The following CDKN2B variants were observed in gnomAD, a reference collection of about 807,000 sequenced individuals.
CDKN2B encodes cyclin-dependent kinase 4 inhibitor B.
A neutral mutation model predicts 7.7 loss-of-function variants in CDKN2B; 8 were observed. That is an observed-to-expected ratio of 1.04 (90% CI 0.61 to 1.87). CDKN2B has a LOEUF of 1.87. Among genes scored for constraint, CDKN2B ranks in the 40% most tolerant of loss-of-function variants. The pLI, the probability that CDKN2B is intolerant of heterozygous loss-of-function variation, is 0.00. For missense variants in CDKN2B, 244 were observed against 213.1 expected (o/e 1.15, Z -0.90); for synonymous variants, 93 against 95.8 (o/e 0.97, Z 0.17).
At chr9:22,008,766 C>G (rs963558892) in intron 1 of CDKN2B, 32 bp downstream of exon 1, 1 of 1,609,648 alleles carries the variant, frequency 6.2e-7, no homozygotes, top group African/African-American at 1.3e-5. Context: ...TTCGCGCGCC[C>G]CCTGCCGGCG....
chr9:22,006,194 C>T lies in CDKN2B; in HGVS notation c.210G>A (p.Ala70=), dbSNP rs1821177378. 5.0e-6 allele frequency: 8 copies of T among 1,608,920 alleles called. No individual in the cohort carries two copies. Among genetic ancestry groups the T allele is most frequent in the Non-Finnish European group, 6.8e-6 (8 of 1,179,766 alleles). Residue 70 remains alanine, a synonymous_variant, in exon 2 of 2, where the codon GCG becomes GCA. Coordinates refer to ENST00000276925, the MANE Select transcript of CDKN2B (RefSeq NM_004936.4). The surrounding 1 kb of genome is among the most constrained non-coding windows in gnomAD (Gnocchi z 6.4). ...RVAELLLLHG[A]EPNCADPATL... ...TGGCAGGGTCTGCGCAGTTGGGCTC[C>T]GCGCCGTGGAGCAGCAGCAGCTCCG...
At chr9:22,007,209 A>C (rs1373006937) in intron 1 of CDKN2B, among the ~76,000 whole-genome samples, 1 of 152,096 alleles carries the variant, frequency 6.6e-6, no homozygotes, top group Non-Finnish European at 1.5e-5. Flanking sequence ...CAAAAAATAA[A>C]AAATTAGCTG....
At chr9:22,008,555 T>C (rs754444383) in intron 1 of CDKN2B, 1 of 1,037,548 alleles carries the variant, frequency 9.6e-7, no homozygotes, top group Non-Finnish European at 1.4e-6. Context: ...ATTCCTTGCA[T>C]CTCTGATCAT....
intron 1 of CDKN2B, among the ~76,000 whole-genome samples, chr9:22,008,475 A>G (rs1821303851): frequency 6.6e-6 from 1 of 152,194 alleles, no homozygotes; most frequent in African/African-American, 2.4e-5. Context: ...TATCGTTGAA[A>G]GCAGACAGAC....
In CDKN2B at chr9:22,008,823, T is replaced by A; in HGVS notation, c.131A>T (p.Asn44Ile). The change falls in exon 1 of 2, where the codon AAC becomes ATC. Residue 44 changes from asparagine to isoleucine, a missense_variant. By Grantham distance (149) the Asn-to-Ile change is moderately radical (BLOSUM62 -3). Coordinates refer to ENST00000276925, the MANE Select transcript of CDKN2B (RefSeq NM_004936.4). ...CTGGATCGCGCGCCTCCCGAAACGG[T>A]TGACTCCGTTGGGATCCGCGCCGGC... ...LEAGADPNGVNRFGRRAIQVM... is the reference protein window; with the variant it reads ...LEAGADPNGVIRFGRRAIQVM... 6.2e-7 allele frequency: 1 copy of A among 1,607,346 alleles called. No homozygotes were observed. Among genetic ancestry groups the A allele is most frequent in the Non-Finnish European group, 8.5e-7 (1 of 1,177,022 alleles).
Position 22,003,974 on chromosome 9 carries a change from C to A in CDKN2B, c.*2013G>T, listed in dbSNP as rs981466941. 9 of 232,608 alleles carry A rather than the reference C, an allele frequency of 3.9e-5. No homozygotes were observed. The highest frequency in any genetic ancestry group is 1.7e-4 in the Admixed American group (3 of 17,770). 14.4% of individuals were successfully genotyped at this position (232,608 alleles called of 1,614,324 possible). A position where few individuals can be genotyped will look rare whatever the true frequency, so the allele number is the denominator to read the frequency against. On this transcript the variant is annotated 3_prime_UTR_variant, in exon 2 of 2. Coordinates refer to ENST00000276925, the MANE Select transcript of CDKN2B (RefSeq NM_004936.4). ...AGAAAAGCAAGACAACCATAATCAG[C>A]TGTGGAACTAGATGCACTTCTTTGT...
chr9:22,006,739 C>CT lies in CDKN2B; in HGVS notation c.157-493dup, dbSNP rs1821208723. On this transcript the variant is annotated intron_variant, in intron 1 of 1. Coordinates refer to ENST00000276925, the MANE Select transcript of CDKN2B (RefSeq NM_004936.4). The surrounding 1 kb of genome is among the most constrained non-coding windows in gnomAD (Gnocchi z 6.4). The stretch of plus-strand genomic sequence containing the variant: ...ATGGTTTAGGGGAGAAAATAAACAA[C>CT]TAAGTTTTTTTCTTTCTTTTTTTTT... Among the ~76,000 whole-genome samples the CT allele has an allele frequency of 2.0e-5, 3 of 151,926 alleles. No homozygotes were observed. Among genetic ancestry groups the CT allele is most frequent in the Non-Finnish European group, 4.4e-5 (3 of 67,990 alleles).
intron 1 of CDKN2B, among the ~76,000 whole-genome samples, chr9:22,007,795 ATAAT>A (rs1418190413): frequency 6.6e-6 from 1 of 152,180 alleles, no homozygotes; most frequent in African/African-American, 2.4e-5. Flanking sequence ...ACTTGTTTTT[ATAAT>A]TATTAATAAA....
At chr9:22,008,665 G>A in intron 1 of CDKN2B, 133 bp downstream of exon 1, 3 of 1,606,098 alleles carry the variant, frequency 1.9e-6, no homozygotes, top group Admixed American at 3.3e-5. Context: ...TTTACGCGTG[G>A]AATGCACACC....
chr9:22,002,948 A>T lies in CDKN2B; in HGVS notation c.*3039T>A, dbSNP rs895026570. 3 of 193,448 alleles carry T rather than the reference A, an allele frequency of 1.6e-5. No individual in the cohort carries two copies. The highest frequency in any genetic ancestry group is 7.0e-5 in the African/African-American group (3 of 43,146). The allele number at this position is 193,448 out of a possible 1,614,324, so 12.0% of individuals were successfully genotyped here. A position where few individuals can be genotyped will look rare whatever the true frequency, so the allele number is the denominator to read the frequency against. On this transcript the variant is annotated 3_prime_UTR_variant, in exon 2 of 2. Transcript: ENST00000276925. Reference sequence around the variant, plus strand: ...TATTTAACTTTCCAGATCTTCTTGGAATAAATGTCAGGTAGTAGAATTTGT... The same window carrying T: ...TATTTAACTTTCCAGATCTTCTTGGTATAAATGTCAGGTAGTAGAATTTGT...
chr9:22,005,798 T>A lies in CDKN2B; in HGVS notation c.*189A>T. 1 of 718,208 alleles carries A rather than the reference T, an allele frequency of 1.4e-6. No homozygotes were observed. The highest frequency in any genetic ancestry group is 1.7e-5 in the South Asian group (1 of 57,274). The allele number at this position is 718,208 out of a possible 1,614,324, so 44.5% of individuals were successfully genotyped here. A position where few individuals can be genotyped will look rare whatever the true frequency, so the allele number is the denominator to read the frequency against. On this transcript the variant is annotated 3_prime_UTR_variant, in exon 2 of 2. Coordinates refer to ENST00000276925, the MANE Select transcript of CDKN2B (RefSeq NM_004936.4). This position sits in a 1 kb window ranked among gnomAD's most constrained non-coding sequence, Gnocchi z 4.9. ...TTCATGGTGAGTGTCGAGGGCCAGA[T>A]AAGACAAAGAAAAAAATGTATGGAA...
rs117271659 is a variant in CDKN2B at position 22,006,525 on chromosome 9, T to C, written c.157-278A>G. 6.2e-4 allele frequency among the ~76,000 whole-genome samples: 94 copies of C among 152,358 alleles called. 3 individuals are homozygous for C. The East Asian group carries it at 0.018, about 29-fold the overall frequency. ...GTTGATGGTAAAGTGATGATCATCA[T>C]TATGGAAAAACAAATCTTGATTTCC... On this transcript the variant is annotated intron_variant, in intron 1 of 1. Transcript: ENST00000276925. This position sits in a 1 kb window ranked among gnomAD's most constrained non-coding sequence, Gnocchi z 6.4.
Position 22,003,150 on chromosome 9 carries a change from A to C in CDKN2B, c.*2837T>G, listed in dbSNP as rs1188341394. 4.6e-6 allele frequency: 1 copy of C among 217,380 alleles called. No homozygotes were observed. The highest frequency in any genetic ancestry group is 9.2e-6 in the Non-Finnish European group (1 of 108,340). 13.5% of individuals were successfully genotyped at this position (217,380 alleles called of 1,614,324 possible). A position where few individuals can be genotyped will look rare whatever the true frequency, so the allele number is the denominator to read the frequency against. On this transcript the variant is annotated 3_prime_UTR_variant, in exon 2 of 2. Transcript: ENST00000276925. ...ACAGTATATATTAGGCTGCTGATGA[A>C]ACAGCTAAACCTGTCTGCCAGGTGG... is the stretch of plus-strand genomic sequence containing the variant.
chr9:22,006,386 G>A lies in CDKN2B; in HGVS notation c.157-139C>T. ...CCAGTGCAGAGGTGTTCAGGTCTCTGATGTCTGGTGTTTCTTCATTTGCTG... is the reference window on the plus strand; with the variant it reads ...CCAGTGCAGAGGTGTTCAGGTCTCTAATGTCTGGTGTTTCTTCATTTGCTG... On this transcript the variant is annotated intron_variant, in intron 1 of 1. Coordinates refer to ENST00000276925, the MANE Select transcript of CDKN2B (RefSeq NM_004936.4). The surrounding 1 kb of genome is among the most constrained non-coding windows in gnomAD (Gnocchi z 6.4). 8.6e-7 allele frequency: 1 copy of A among 1,162,500 alleles called. No homozygotes were observed. Among genetic ancestry groups the A allele is most frequent in the Non-Finnish European group, 1.2e-6 (1 of 813,416 alleles). The allele number at this position is 1,162,500 out of a possible 1,614,324, so 72.0% of individuals were successfully genotyped here. A position where few individuals can be genotyped will look rare whatever the true frequency, so the allele number is the denominator to read the frequency against.
rs1820997688 is a variant in CDKN2B at position 22,003,201 on chromosome 9, A to C, written c.*2786T>G. The stretch of plus-strand genomic sequence containing the variant: ...CTTCGAAAATGGAATTAATTTTTAC[A>C]TGGCATTGATAAGTTACTATTTCAA... On this transcript the variant is annotated 3_prime_UTR_variant, in exon 2 of 2. Coordinates refer to ENST00000276925, the MANE Select transcript of CDKN2B (RefSeq NM_004936.4). The C allele has an allele frequency of 4.6e-6, 1 of 216,596 alleles. No individual in the cohort carries two copies. Among genetic ancestry groups the C allele is most frequent in the Non-Finnish European group, 9.3e-6 (1 of 107,812 alleles). The allele number at this position is 216,596 out of a possible 1,614,324, so 13.4% of individuals were successfully genotyped here. A position where few individuals can be genotyped will look rare whatever the true frequency, so the allele number is the denominator to read the frequency against.
intron 1 of CDKN2B, 157 bp downstream of exon 1, chr9:22,008,640 TG>T: frequency 6.3e-7 from 1 of 1,591,230 alleles, no homozygotes. Context: ...GGATTTTTGC[TG>T]GGTAAAAGCC....
Position 22,006,263 on chromosome 9 carries a change from G to A in CDKN2B, c.157-16C>T. 1 of 1,602,054 alleles carries A rather than the reference G, an allele frequency of 6.2e-7. No homozygotes were observed. The highest frequency in any genetic ancestry group is 8.5e-7 in the Non-Finnish European group (1 of 1,179,862). On this transcript the variant is annotated splice_polypyrimidine_tract_variant and intron_variant, in intron 1 of 1. Coordinates refer to ENST00000276925, the MANE Select transcript of CDKN2B (RefSeq NM_004936.4). This position sits in a 1 kb window ranked among gnomAD's most constrained non-coding sequence, Gnocchi z 6.4. ...TCATCATGACCTGCCAGAGAGAGCA[G>A]AGTGGTCAGAGCCAGGGTGGGGGCA...
chr9:22,004,920 T>C lies in CDKN2B; in HGVS notation c.*1067A>G, dbSNP rs1409182401. ...GTTAAGAAGAAAGCAATCTAGGCGT[T>C]TGCACTGAGTTTGCAACAGTGCCAT... On this transcript the variant is annotated 3_prime_UTR_variant, in exon 2 of 2. Transcript: ENST00000276925. 1 of 233,192 alleles carries C rather than the reference T, an allele frequency of 4.3e-6. No homozygotes were observed. Among genetic ancestry groups the C allele is most frequent in the Non-Finnish European group, 8.5e-6 (1 of 118,070 alleles). The allele number at this position is 233,192 out of a possible 1,614,324, so 14.4% of individuals were successfully genotyped here.
At position 22,005,832 on chromosome 9, in the gene CDKN2B, CCGGT is replaced by C; in HGVS notation, c.*151_*154del. On this transcript the variant is annotated 3_prime_UTR_variant, in exon 2 of 2. Coordinates refer to ENST00000276925, the MANE Select transcript of CDKN2B (RefSeq NM_004936.4). The surrounding 1 kb of genome is among the most constrained non-coding windows in gnomAD (Gnocchi z 4.9). ...GAAAAAAATGTATGGAAGGTTATTC[CCGGT>C]CGGCTCCTCCTTCCTGTGAGTCTCA... 4.2e-6 allele frequency: 4 copies of C among 951,706 alleles called. No homozygotes were observed. In the East Asian group the frequency reaches 1.1e-4, roughly 25 times the overall value. 59.0% of individuals were successfully genotyped at this position (951,706 alleles called of 1,614,324 possible). A position where few individuals can be genotyped will look rare whatever the true frequency, so the allele number is the denominator to read the frequency against.
Sources: gnomAD v4.1 joint callset for allele counts (sites outside exome capture counted in the v4.1 genomes callset) on GRCh38, gnomAD v4.1.1 for gene constraint, Gnocchi (gnomAD v3.1) non-coding constraint, MANE v1.5 for transcripts, NCBI Gene and HGNC (gene_info 2026-07-23, HGNC 2026-07-21) for gene names.